The following PTPRN2 variants were observed in gnomAD, a reference collection of about 807,000 sequenced individuals.
PTPRN2 encodes protein tyrosine phosphatase receptor type N2.
In PTPRN2, 74 loss-of-function variants were observed where a neutral mutation model predicts 118.8. The observed-to-expected ratio is 0.62, with a 90% confidence interval of 0.52 to 0.76. The LOEUF is 0.76. PTPRN2 is among the 30% of genes least tolerant of loss of function. PTPRN2 has a pLI of 0.00. For synonymous variants in PTPRN2, 641 were observed against 608.0 expected, an observed-to-expected ratio of 1.05 and a Z score of -0.80; for missense variants, 1,481 against 1,394.4, an observed-to-expected ratio of 1.06 and a Z score of -0.99.
chr7:158,188,344 G>C (rs1295350547), intron 5 of PTPRN2, among the ~76,000 whole-genome samples: 1 of 67,974 alleles, frequency 1.5e-5, no homozygotes, highest in Non-Finnish European at 2.9e-5. Flanking sequence ...GATGGGGAAG[G>C]CCGCCACGCT....
intron 12 of PTPRN2, among the ~76,000 whole-genome samples, chr7:157,789,501 G>A (rs191847473): frequency 3.3e-5 from 5 of 152,344 alleles, no homozygotes; most frequent in Admixed American, 2.6e-4. Flanking sequence ...GGTCTCTGCC[G>A]GAGAGAAAAG....
intron 14 of PTPRN2, among the ~76,000 whole-genome samples, chr7:157,621,888 C>T (rs531602047): frequency 9.2e-5 from 14 of 151,914 alleles, no homozygotes; most frequent in Non-Finnish European, 1.6e-4. Flanking sequence ...TTCTTAAAAC[C>T]GGCGCACGTT....
Position 158,009,024 on chromosome 7 carries a change from G to A in PTPRN2, c.1723+72274C>T, listed in dbSNP as rs1805859243. Among the ~76,000 whole-genome samples, 5 of 152,008 alleles carry A rather than the reference G, an allele frequency of 3.3e-5. No homozygotes were observed. In the South Asian group the frequency reaches 1.0e-3, roughly 32 times the overall value. Reference sequence around the variant, plus strand: ...CCCGCACTCCCTGCACTTCCCCGAGGTCACTGCACTCACAGAGCTTCCTAT... The same window carrying A: ...CCCGCACTCCCTGCACTTCCCCGAGATCACTGCACTCACAGAGCTTCCTAT... On this transcript the variant is annotated intron_variant, in intron 11 of 22. Transcript: ENST00000389418.
intron 10 of PTPRN2, among the ~76,000 whole-genome samples, chr7:158,096,675 C>A (rs1268140757): frequency 6.6e-6 from 1 of 152,210 alleles, no homozygotes; most frequent in East Asian, 1.9e-4. Flanking sequence ...AATATTCAGA[C>A]AGGGCACTGA....
chr7:158,319,383 C>T (rs1802616837), intron 2 of PTPRN2, among the ~76,000 whole-genome samples: 1 of 141,148 alleles, frequency 7.1e-6, no homozygotes, highest in Non-Finnish European at 1.5e-5. Context: ...CACATGCACA[C>T]ACACACACAG....
chr7:158,442,530 G>A (rs1185887220), intron 2 of PTPRN2, among the ~76,000 whole-genome samples: 1 of 152,180 alleles, frequency 6.6e-6, no homozygotes, highest in Non-Finnish European at 1.5e-5. Context: ...GCATTCAGGA[G>A]TAAGAGATTT....
intron 3 of PTPRN2, among the ~76,000 whole-genome samples, chr7:158,207,685 A>C (rs1827265084): frequency 6.6e-6 from 1 of 152,206 alleles, no homozygotes; most frequent in African/African-American, 2.4e-5. Context: ...AATACAAACA[A>C]GCCGAGATTT....
intron 12 of PTPRN2, among the ~76,000 whole-genome samples, chr7:157,693,499 C>G (rs931939396): frequency 3.9e-5 from 6 of 152,126 alleles, no homozygotes; most frequent in Non-Finnish European, 7.4e-5. Flanking sequence ...CTCGCTGCCC[C>G]GACCCTCCCG....
At chr7:158,357,897 C>T (rs1394869573) in intron 2 of PTPRN2, among the ~76,000 whole-genome samples, 2 of 152,230 alleles carry the variant, frequency 1.3e-5, no homozygotes, top group African/African-American at 2.4e-5. Flanking sequence ...TAGAGGGCCC[C>T]GGCCAAGCCA....
intron 2 of PTPRN2, among the ~76,000 whole-genome samples, chr7:158,462,505 G>C (rs909212261): frequency 5.3e-5 from 8 of 152,206 alleles, no homozygotes; most frequent in African/African-American, 1.9e-4. Context: ...ATTAAGGGGT[G>C]CCTGGTCCTG....
chr7:158,215,559 C>G (rs1827898517), intron 3 of PTPRN2, among the ~76,000 whole-genome samples: 1 of 152,134 alleles, frequency 6.6e-6, no homozygotes, highest in Non-Finnish European at 1.5e-5. Flanking sequence ...AAATCTCCTC[C>G]AAGACACATA....
At chr7:157,822,245 T>C (rs752793626) in intron 12 of PTPRN2, among the ~76,000 whole-genome samples, 8 of 151,632 alleles carry the variant, frequency 5.3e-5, no homozygotes, top group Non-Finnish European at 1.0e-4. Context: ...CATCCATCCA[T>C]CCACTCACCC....
intron 10 of PTPRN2, among the ~76,000 whole-genome samples, chr7:158,097,678 C>T (rs891651223): frequency 2.6e-5 from 4 of 152,206 alleles, no homozygotes; most frequent in East Asian, 1.9e-4. Flanking sequence ...TCACCGCCGC[C>T]GCAGACAGCC....
chr7:157,928,964 A>G (rs1188785708), intron 11 of PTPRN2, among the ~76,000 whole-genome samples: 3 of 152,126 alleles, frequency 2.0e-5, no homozygotes, highest in African/African-American at 7.2e-5. Flanking sequence ...GATGATGCTC[A>G]GAATGCAGCC....
chr7:158,010,331 AG>A (rs1805952648), intron 11 of PTPRN2, among the ~76,000 whole-genome samples: 1 of 152,220 alleles, frequency 6.6e-6, no homozygotes, highest in Non-Finnish European at 1.5e-5. Flanking sequence ...AGAGACATCT[AG>A]AGAGTGAACC....
rs2335475 is a variant in PTPRN2 at position 158,288,722 on chromosome 7, T to C, written c.277+28097A>G. ...GACTTAAGTGATTTGTACACCACCA[T>C]TACAGTATTATTCTGAATTTGACTG... On this transcript the variant is annotated intron_variant, in intron 3 of 22. Transcript: ENST00000389418. Among the ~76,000 whole-genome samples, 609 of 152,356 alleles carry C rather than the reference T, an allele frequency of 4.0e-3. 7 individuals are homozygous for C. Among genetic ancestry groups the C allele is most frequent in the African/African-American group, 0.014 (587 of 41,586 alleles).
At chr7:157,661,791 G>A (rs891053284) in intron 13 of PTPRN2, among the ~76,000 whole-genome samples, 5 of 152,308 alleles carry the variant, frequency 3.3e-5, no homozygotes, top group Admixed American at 2.0e-4. Context: ...ACACTACGAT[G>A]GGCAGGACGT....
intron 11 of PTPRN2, among the ~76,000 whole-genome samples, chr7:158,052,636 T>C (rs188449331): frequency 7.9e-5 from 12 of 151,620 alleles, no homozygotes; most frequent in African/African-American, 2.2e-4. Flanking sequence ...GTGGGGGCCA[T>C]GGAGGGGTGC....
chr7:157,805,134 G>T (rs763439796), intron 12 of PTPRN2, among the ~76,000 whole-genome samples: 8 of 152,214 alleles, frequency 5.3e-5, no homozygotes, highest in Admixed American at 2.0e-4. Context: ...TCCATGAAAA[G>T]AAGAAAATAG....
Sources: allele counts gnomAD v4.1 joint callset (sites outside exome capture counted in the v4.1 genomes callset), GRCh38; gene constraint gnomAD v4.1.1; transcripts MANE v1.5; gene names NCBI Gene and HGNC (gene_info 2026-07-23, HGNC 2026-07-21).